The following STARD13 variants were observed in gnomAD, a reference collection of about 807,000 sequenced individuals.
STARD13 encodes the protein StAR related lipid transfer domain containing 13.
In STARD13, 62 loss-of-function variants were observed where a neutral mutation model predicts 106.4. The ratio of observed to expected loss-of-function variants is 0.58; its 90% CI spans 0.48 to 0.72. The LOEUF is 0.72. Ranked by LOEUF, STARD13 falls within the 30% of genes least tolerant of loss-of-function variation. The pLI is 0.00. For synonymous variants in STARD13, 565 were observed against 553.0 expected, an observed-to-expected ratio of 1.02 and a Z score of -0.31; for missense variants, 1,387 against 1,424.0, an observed-to-expected ratio of 0.97 and a Z score of 0.42.
the STARD13 span, among the ~76,000 whole-genome samples, chr13:33,573,887 A>G: frequency 0.078 from 11,859 of 152,214 alleles, 614 homozygotes; most frequent in East Asian, 0.28. Context: ...CAAATTGTGT[A>G]CACTGGTGAA....
the STARD13 span, among the ~76,000 whole-genome samples, chr13:33,634,136 T>C: frequency 2.0e-5 from 3 of 152,228 alleles, no homozygotes; most frequent in Middle Eastern, 3.2e-3. Context: ...CTCATTTTTC[T>C]CTTACCTCAT....
chr13:33,347,292 G>C (rs7337615), downstream of STARD13, among the ~76,000 whole-genome samples: 21,952 of 152,180 alleles, frequency 0.14, 1,680 homozygotes, highest in Middle Eastern at 0.19. Context: ...CTGGAGTGCA[G>C]TGGCACAATC....
At chr13:33,158,109 G>C (rs576105351) in intron 3 of STARD13, among the ~76,000 whole-genome samples, 62 of 152,214 alleles carry the variant, frequency 4.1e-4, no homozygotes, top group African/African-American at 1.5e-3. Context: ...AGAGAGACAT[G>C]GTTGTCATTC....
chr13:33,138,092 T>C (rs1879293593), intron 4 of STARD13, among the ~76,000 whole-genome samples: 1 of 152,244 alleles, frequency 6.6e-6, no homozygotes, highest in South Asian at 2.1e-4. Flanking sequence ...AAATTATAAG[T>C]TCAACCAGAA....
the STARD13 span, among the ~76,000 whole-genome samples, chr13:33,577,063 T>C: frequency 1.3e-5 from 2 of 152,226 alleles, no homozygotes; most frequent in Admixed American, 6.5e-5. Flanking sequence ...TTTAAAAACA[T>C]TTTTATCATT....
chr13:33,250,906 C>T (rs1192922533), intron 1 of STARD13, among the ~76,000 whole-genome samples: 1 of 152,076 alleles, frequency 6.6e-6, no homozygotes, highest in African/African-American at 2.4e-5. Flanking sequence ...ATTACTGGAT[C>T]CTGGCATTTA....
At chr13:33,163,040 T>C (rs1048019075) in intron 3 of STARD13, among the ~76,000 whole-genome samples, 1 of 152,140 alleles carries the variant, frequency 6.6e-6, no homozygotes, top group Admixed American at 6.5e-5. Context: ...GGCCTCAGAA[T>C]CATGGCGGGA....
chr13:33,537,420 T>G, the STARD13 span, among the ~76,000 whole-genome samples: 1 of 152,262 alleles, frequency 6.6e-6, no homozygotes, highest in Non-Finnish European at 1.5e-5. Flanking sequence ...TCAGACATTT[T>G]ACAAACAATC....
chr13:33,489,465 C>A, the STARD13 span, among the ~76,000 whole-genome samples: 21 of 152,278 alleles, frequency 1.4e-4, no homozygotes, highest in South Asian at 4.4e-3. Context: ...TCATATTATT[C>A]TTCATTTTCT....
At chr13:33,119,228 AAAT>A (rs1875878966) in intron 7 of STARD13, among the ~76,000 whole-genome samples, 1 of 152,154 alleles carries the variant, frequency 6.6e-6, no homozygotes, top group African/African-American at 2.4e-5. Flanking sequence ...GCTTATAGTG[AAAT>A]AATATGTCTG....
intron 1 of STARD13, among the ~76,000 whole-genome samples, chr13:33,298,649 G>A (rs191903779): frequency 4.6e-5 from 7 of 151,996 alleles, no homozygotes; most frequent in Non-Finnish European, 7.4e-5. Context: ...ATACACACAC[G>A]CATCTCATAT....
chr13:33,339,089 A>G (rs2077930696), intron 1 of STARD13, among the ~76,000 whole-genome samples: 1 of 152,148 alleles, frequency 6.6e-6, no homozygotes, highest in Admixed American at 6.5e-5. Context: ...ACACTGTGCT[A>G]AGTTCTTTGC....
chr13:33,550,413 A>C, the STARD13 span, among the ~76,000 whole-genome samples: 1 of 152,224 alleles, frequency 6.6e-6, no homozygotes, highest in Non-Finnish European at 1.5e-5. Flanking sequence ...TAGCATCCTT[A>C]ATTCCTATTG....
chr13:33,472,381 T>C, the STARD13 span, among the ~76,000 whole-genome samples: 1 of 152,182 alleles, frequency 6.6e-6, no homozygotes, highest in Non-Finnish European at 1.5e-5. Context: ...GAAATACATA[T>C]ACTGGGGTTT....
chr13:33,318,369 T>C (rs1893422715), intron 1 of STARD13, among the ~76,000 whole-genome samples: 1 of 152,126 alleles, frequency 6.6e-6, no homozygotes, highest in Non-Finnish European at 1.5e-5. Context: ...TTGGGGCAAT[T>C]AGATATCCAC....
At chr13:33,652,465 G>T in the STARD13 span, among the ~76,000 whole-genome samples, 1 of 152,248 alleles carries the variant, frequency 6.6e-6, no homozygotes, top group South Asian at 2.1e-4. Flanking sequence ...ATCATTGAAA[G>T]TTATTCTGTA....
At chr13:33,407,955 G>T in the STARD13 span, among the ~76,000 whole-genome samples, 1 of 152,108 alleles carries the variant, frequency 6.6e-6, no homozygotes, top group African/African-American at 2.4e-5. Context: ...TGAGTAATTT[G>T]CATTTACTAA....
chr13:33,508,918 G>A, the STARD13 span, among the ~76,000 whole-genome samples: 1 of 152,152 alleles, frequency 6.6e-6, no homozygotes, highest in African/African-American at 2.4e-5. Context: ...AACCTGTACA[G>A]CATGCTATTT....
intron 4 of STARD13, among the ~76,000 whole-genome samples, chr13:33,140,922 C>G (rs1216708355): frequency 6.6e-6 from 1 of 152,094 alleles, no homozygotes; most frequent in African/African-American, 2.4e-5. Context: ...CCATGCCCAG[C>G]TAATTTTCAT....
Sources: gnomAD v4.1 joint callset for allele counts (sites outside exome capture counted in the v4.1 genomes callset) on GRCh38, gnomAD v4.1.1 for gene constraint, MANE v1.5 for transcripts, NCBI Gene and HGNC (gene_info 2026-07-23, HGNC 2026-07-21) for gene names.